Variants in BLM observed in about 807,000 individuals in gnomAD.
The protein encoded by BLM is BLM RecQ like helicase.
BLM carries 95 observed loss-of-function variants against 135.3 expected under a neutral mutation model. The observed-to-expected ratio is 0.70, with a 90% CI of 0.59 to 0.83. The LOEUF (loss-of-function observed/expected upper bound fraction) is 0.83, where lower values mean the gene tolerates loss of function less well. BLM is among the 40% of genes least tolerant of loss of function. The pLI is 0.00. For missense variants in BLM, 1,518 were observed against 1,663.9 expected (o/e 0.91, Z 1.53); for synonymous variants, 520 against 589.2 (o/e 0.88, Z 1.70).
In BLM at chr15:90,805,322, T is replaced by C. The variant is rs1427659719; in HGVS notation, c.3751+963T>C. Among the ~76,000 whole-genome samples the C allele has an allele frequency of 3.3e-5, 5 of 152,034 alleles. No individual in the cohort carries two copies. The East Asian group carries it at 9.7e-4, about 29-fold the overall frequency. On this transcript the variant is annotated intron_variant, in intron 19 of 21. Transcript: ENST00000355112. ...GTGCCTATATGAAAAATACATATAA[T>C]CAAAGTAAATGGTGGGTGCATGCCT...
At chr15:90,768,213 G>C (rs1896191585) in intron 10 of BLM, among the ~76,000 whole-genome samples, 1 of 152,126 alleles carries the variant, frequency 6.6e-6, no homozygotes, top group Admixed American at 6.6e-5. Flanking sequence ...AAAGTGCTGG[G>C]ATTACAAGCG....
chr15:90,784,369 T>C (rs1367661227), intron 13 of BLM, among the ~76,000 whole-genome samples: 2 of 136,240 alleles, frequency 1.5e-5, no homozygotes, highest in East Asian at 4.7e-4. Context: ...AGTCTCACTC[T>C]ATCTCCAGGC....
At chr15:90,794,412 A>T (rs1896982270) in intron 16 of BLM, 55 bp downstream of exon 16, 1 of 1,355,050 alleles carries the variant, frequency 7.4e-7, no homozygotes, top group Admixed American at 2.4e-5. Flanking sequence ...CTCTTACTTT[A>T]AAAATGTAGA....
intron 12 of BLM, among the ~76,000 whole-genome samples, chr15:90,775,647 G>T (rs1020491302): frequency 6.6e-6 from 1 of 151,780 alleles, no homozygotes; most frequent in Non-Finnish European, 1.5e-5. Context: ...GAGTAGCTGG[G>T]ACTACAGGCA....
Position 90,769,551 on chromosome 15 carries a change from C to T in BLM, c.2520C>T (p.Asp840=), listed in dbSNP as rs1288524952. The T allele has an allele frequency of 1.2e-6, 2 of 1,614,048 alleles. No homozygotes were observed. Among genetic ancestry groups the T allele is most frequent in the Admixed American group, 3.3e-5 (2 of 60,014 alleles). ...CAGCTAATCCCAGGGTACAGAAGGA[C>T]ATCCTGACTCAGCTGAAGATTCTCA... ...TATANPRVQK[D]ILTQLKILRP... is the part of the protein sequence containing the mutation. Residue 840 remains aspartate, a synonymous_variant, in exon 12 of 22, where the codon GAC becomes GAT. Transcript: ENST00000355112.
chr15:90,759,868 A>G (rs1012357322), intron 5 of BLM: 2 of 333,502 alleles, frequency 6.0e-6, no homozygotes, highest in South Asian at 2.8e-5. Context: ...TGGCCTCCCA[A>G]AGTGTTGGGA....
intron 1 of BLM, among the ~76,000 whole-genome samples, chr15:90,723,093 C>T (rs1035932136): frequency 6.6e-6 from 1 of 152,072 alleles, no homozygotes. Context: ...CTGCCTGCCT[C>T]GGCCTCCCAA....
intron 12 of BLM, among the ~76,000 whole-genome samples, chr15:90,777,228 C>T (rs1206789940): frequency 3.3e-5 from 5 of 151,946 alleles, no homozygotes; most frequent in Admixed American, 1.3e-4. Context: ...AGTAGCTCAC[C>T]GCAACCTCCA....
chr15:90,729,525 C>T (rs1567025870), intron 1 of BLM, among the ~76,000 whole-genome samples: 2 of 152,110 alleles, frequency 1.3e-5, no homozygotes, highest in Non-Finnish European at 2.9e-5. Flanking sequence ...TTTCCTCCTC[C>T]ATTATCAAAG....
intron 12 of BLM, among the ~76,000 whole-genome samples, chr15:90,775,502 A>G (rs911227176): frequency 4.1e-5 from 6 of 146,146 alleles, no homozygotes; most frequent in South Asian, 2.1e-4. Context: ...TTTATTTTTT[A>G]TATATATATG....
intron 1 of BLM, among the ~76,000 whole-genome samples, chr15:90,730,584 G>C (rs1895040527): frequency 6.6e-6 from 1 of 151,892 alleles, no homozygotes; most frequent in Non-Finnish European, 1.5e-5. Flanking sequence ...AAGTAGCTGA[G>C]ACTAGAGGCT....
rs572442706 is a variant in BLM, at chr15:90,752,361, G to C, written c.959+415G>C. 1.7e-4 allele frequency among the ~76,000 whole-genome samples: 26 copies of C among 152,158 alleles called. No individual in the cohort carries two copies. The South Asian group carries it at 4.4e-3, about 25-fold the overall frequency. ...TGGCTAATTTTTTGTATTTTCAGTA[G>C]AGACGAGGTTTTGCCATGTTGCCCA... is the stretch of plus-strand genomic sequence containing the variant. On this transcript the variant is annotated intron_variant, in intron 4 of 21. Transcript: ENST00000355112.
In BLM at chr15:90,803,508, A is replaced by G. The variant is rs200250931; in HGVS notation, c.3359-13A>G. 1.3e-3 allele frequency: 2,167 copies of G among 1,605,930 alleles called. 2 individuals are homozygous for G. Among genetic ancestry groups the G allele is most frequent in the Non-Finnish European group, 1.6e-3 (1,911 of 1,172,758 alleles). ...TACATTTACTCATCTTACTTCCTGT[A>G]TCTTCTTATCAGGGAGTAAGAGTGC... is the stretch of plus-strand genomic sequence containing the variant. On this transcript the variant is annotated splice_polypyrimidine_tract_variant and intron_variant, in intron 17 of 21. Coordinates refer to ENST00000355112, the MANE Select transcript of BLM (RefSeq NM_000057.4).
chr15:90,739,069 A>G (rs923691409), intron 1 of BLM, among the ~76,000 whole-genome samples: 6 of 152,182 alleles, frequency 3.9e-5, no homozygotes, highest in African/African-American at 1.4e-4. Flanking sequence ...AAAATGTGGT[A>G]TGTATCTACA....
chr15:90,721,244 T>C (rs772570306), intron 1 of BLM, among the ~76,000 whole-genome samples: 4 of 152,206 alleles, frequency 2.6e-5, no homozygotes, highest in African/African-American at 7.2e-5. Flanking sequence ...TTATATTCCC[T>C]GAACATTTGT....
chr15:90,781,674 A>G (rs554486994), intron 12 of BLM, among the ~76,000 whole-genome samples: 21 of 152,244 alleles, frequency 1.4e-4, no homozygotes, highest in African/African-American at 4.8e-4. Context: ...TGAGCTTTAT[A>G]AAAGAATCAT....
chr15:90,760,947 T>C lies in BLM; in HGVS notation c.1574T>C (p.Leu525Pro), dbSNP rs764271899. The part of the protein sequence containing the change: ...NESSYFPGNV[L>P]TSTAVKDQNK... Reference sequence around the variant, plus strand: ...AGCTCTTATTTCCCAGGAAATGTTCTCACAAGCACTGCTGTGAAAGATCAG... The same window carrying C: ...AGCTCTTATTTCCCAGGAAATGTTCCCACAAGCACTGCTGTGAAAGATCAG... Residue 525 changes from leucine to proline, a missense_variant, in exon 7 of 22, where the codon CTC (leucine) becomes CCC (proline). This residue lies in a region of BLM where 724 missense variants were observed against 756.9 expected (regional missense o/e 0.96). Coordinates refer to ENST00000355112, the MANE Select transcript of BLM (RefSeq NM_000057.4). 1 of 1,614,086 alleles carries C rather than the reference T, an allele frequency of 6.2e-7. No homozygotes were observed. The highest frequency in any genetic ancestry group is 1.1e-5 in the South Asian group (1 of 91,074).
intron 21 of BLM, among the ~76,000 whole-genome samples, chr15:90,812,690 A>C (rs1215609597): frequency 6.6e-6 from 1 of 152,198 alleles, no homozygotes; most frequent in East Asian, 1.9e-4. Flanking sequence ...TTTCTTTTGC[A>C]GTTTTTCTAC....
At chr15:90,756,107 C>CT (rs367589024) in intron 5 of BLM, among the ~76,000 whole-genome samples, 2,893 of 143,072 alleles carry the variant, frequency 0.02, 79 homozygotes, top group African/African-American at 0.064. Flanking sequence ...AGGTAGTTTC[C>CT]TTTTTTTTTT....
Sources: gnomAD v4.1 joint callset for allele counts (sites outside exome capture counted in the v4.1 genomes callset) on GRCh38, gnomAD v4.1.1 for gene constraint, gnomAD v4.1.1 regional missense constraint, MANE v1.5 for transcripts, NCBI Gene and HGNC (gene_info 2026-07-23, HGNC 2026-07-21) for gene names.